Variants in FBXW11 observed in about 807,000 individuals in gnomAD.
The protein encoded by FBXW11 is F-box/WD repeat-containing protein 11.
A neutral mutation model predicts 77.6 loss-of-function variants in FBXW11; 19 were observed. That is an observed-to-expected ratio of 0.24 (90% CI 0.17 to 0.36). The LOEUF is 0.36. Ranked by LOEUF, FBXW11 falls within the 10% of genes least tolerant of loss-of-function variation. FBXW11 has a pLI of 1.00. For missense variants in FBXW11, 334 were observed against 704.2 expected, an observed-to-expected ratio of 0.47 and a Z score of 5.95; for synonymous variants, 235 against 249.4, an observed-to-expected ratio of 0.94 and a Z score of 0.54.
Position 171,896,386 on chromosome 5 carries a change from C to A in FBXW11, c.714+2618G>T, listed in dbSNP as rs1247783186. ...GTGTCATTTATCTTTCTGCAATGTG[C>A]TTAAAACCCTACTACTTTCCCATAA... is the stretch of plus-strand genomic sequence containing the variant. On this transcript the variant is annotated intron_variant, in intron 6 of 13. Transcript: ENST00000517395. 2.0e-5 allele frequency among the ~76,000 whole-genome samples: 3 copies of A among 152,176 alleles called. No homozygotes were observed. The East Asian group carries it at 5.8e-4, about 29-fold the overall frequency.
At chr5:171,997,081 C>T in intron 1 of FBXW11, 1 of 1,289,198 alleles carries the variant, frequency 7.8e-7, no homozygotes, top group African/African-American at 1.5e-5. Flanking sequence ...AATCCATACA[C>T]CCACCATGGC....
chr5:171,877,383 T>C (rs1197514632), intron 8 of FBXW11, among the ~76,000 whole-genome samples: 1 of 152,184 alleles, frequency 6.6e-6, no homozygotes, highest in Non-Finnish European at 1.5e-5. Context: ...GGGTAAGTCA[T>C]GATGCCTCAT....
rs553740927 is a variant in FBXW11, at chr5:171,948,710, T to C, written c.147+8887A>G. Among the ~76,000 whole-genome samples the C allele has an allele frequency of 7.9e-4, 120 of 152,348 alleles. 1 individual carries two copies. Among genetic ancestry groups the C allele is most frequent in the Middle Eastern group, 3.4e-3 (1 of 294 alleles). ...CAAGCAACATAATAAATGTCTATAG[T>C]ATCAGGTACATGACATTTTTGTTCA... On this transcript the variant is annotated intron_variant, in intron 2 of 13. Coordinates refer to ENST00000517395, the MANE Select transcript of FBXW11 (RefSeq NM_001378974.1).
intron 7 of FBXW11, among the ~76,000 whole-genome samples, chr5:171,879,021 T>C (rs1758328632): frequency 6.6e-6 from 1 of 152,150 alleles, no homozygotes; most frequent in Non-Finnish European, 1.5e-5. Context: ...ATTTTAAAAA[T>C]CAGAACAAAA....
chr5:171,996,477 G>A (rs1766056170), intron 1 of FBXW11, among the ~76,000 whole-genome samples: 1 of 152,114 alleles, frequency 6.6e-6, no homozygotes, highest in Admixed American at 6.5e-5. Context: ...GACCAGTCTG[G>A]GCAACATGGT....
At chr5:171,897,898 T>C (rs1221494253) in intron 6 of FBXW11, among the ~76,000 whole-genome samples, 2 of 152,134 alleles carry the variant, frequency 1.3e-5, no homozygotes, top group Non-Finnish European at 1.5e-5. Context: ...GTTAACACCA[T>C]GTCTCAGCCA....
chr5:171,909,879 GCCCTAAAC>G (rs1245887935), intron 4 of FBXW11, among the ~76,000 whole-genome samples: 1 of 152,050 alleles, frequency 6.6e-6, no homozygotes, highest in African/African-American at 2.4e-5. Context: ...ACAAATGAAT[GCCCTAAAC>G]TTTTGGGACA....
chr5:171,876,543 G>A lies in FBXW11; in HGVS notation c.972-9C>T, dbSNP rs1043193213. The stretch of plus-strand genomic sequence containing the variant: ...TGTTCACATCCCACACTCTAGGAGA[G>A]AAGAGAAAAGCATGATGCTTAATTA... On this transcript the variant is annotated splice_polypyrimidine_tract_variant and intron_variant, in intron 8 of 13. Transcript: ENST00000517395. This position sits in a 1 kb window ranked among gnomAD's most constrained non-coding sequence, Gnocchi z 4.2. 5 of 1,610,344 alleles carry A rather than the reference G, an allele frequency of 3.1e-6. No individual in the cohort carries two copies. The highest frequency in any genetic ancestry group is 2.7e-5 in the African/African-American group (2 of 74,838).
At chr5:171,867,470 A>G (rs17074099) in intron 13 of FBXW11, among the ~76,000 whole-genome samples, 3,211 of 151,718 alleles carry the variant, frequency 0.021, 118 homozygotes, top group African/African-American at 0.073. Context: ...AAAAAAACTT[A>G]ATGGATAAGC....
In FBXW11 at chr5:171,891,591, T is replaced by C. The variant is rs1285032916; in HGVS notation, c.728A>G (p.Asn243Ser). 6.2e-7 allele frequency: 1 copy of C among 1,611,116 alleles called. No homozygotes were observed. Residue 243 changes from asparagine (N) to serine (S), a missense_variant, in exon 7 of 14, where the codon AAC becomes AGC. By Grantham distance (46) the Asn-to-Ser change is conservative (BLOSUM62 1). Around this residue, in one of 10 missense-constraint regions of FBXW11, gnomAD observed 70 missense variants for 136.6 expected, o/e 0.51. Transcript: ENST00000517395. ...CAAGTTGTGTCGTCCACACCGCCAGTTAGATTCTATAGTCTAGGGAAAAAA... is the reference window on the plus strand; with the variant it reads ...CAAGTTGTGTCGTCCACACCGCCAGCTAGATTCTATAGTCTAGGGAAAAAA... ...IIQDIETIES[N>S]WRCGRHNLQR...
At chr5:171,997,959 CA>C in intron 1 of FBXW11, among the ~76,000 whole-genome samples, 1 of 152,206 alleles carries the variant, frequency 6.6e-6, no homozygotes, top group African/African-American at 2.4e-5. Context: ...ACTAACTGGC[CA>C]AGCCCTTTAC....
At position 171,872,960 on chromosome 5, in the gene FBXW11, G is replaced by A; in HGVS notation, c.1252C>T (p.Arg418Cys). Reference protein sequence around the residue: ...VWSTSTCEFVRTLNGHKRGIA... With the variant: ...VWSTSTCEFVCTLNGHKRGIA... ...CCCCGCTTGTGCCCATTGAGAGTAC[G>A]AACAAATTCACAGGTGCTCGTGCTC... The change falls in exon 10 of 14, where the codon CGT becomes TGT. Residue 418 changes from arginine to cysteine, a missense_variant. By Grantham distance (180) the Arg-to-Cys change is radical (BLOSUM62 -3). Around this residue, in one of 10 missense-constraint regions of FBXW11, gnomAD observed 50 missense variants for 119.6 expected, o/e 0.42. Transcript: ENST00000517395. 1.2e-6 allele frequency: 2 copies of A among 1,613,918 alleles called. No individual in the cohort carries two copies. Among genetic ancestry groups the A allele is most frequent in the Non-Finnish European group, 1.7e-6 (2 of 1,179,942 alleles).
intron 4 of FBXW11, among the ~76,000 whole-genome samples, chr5:171,906,490 C>G (rs375803234): frequency 6.6e-5 from 10 of 152,266 alleles, no homozygotes; most frequent in African/African-American, 1.9e-4. Context: ...TGAATCAATT[C>G]GGGAATCAGT....
intron 1 of FBXW11, among the ~76,000 whole-genome samples, chr5:171,992,341 C>T (rs1267562709): frequency 1.3e-5 from 2 of 151,714 alleles, no homozygotes; most frequent in Non-Finnish European, 2.9e-5. Context: ...GTGGGAGAAT[C>T]GCTTGAACCC....
chr5:171,971,253 T>A (rs1306920472), intron 1 of FBXW11, among the ~76,000 whole-genome samples: 1 of 152,190 alleles, frequency 6.6e-6, no homozygotes, highest in African/African-American at 2.4e-5. Flanking sequence ...GGTTTACAGA[T>A]GCTTTTTGCA....
intron 1 of FBXW11, among the ~76,000 whole-genome samples, chr5:171,992,798 T>C (rs918872220): frequency 6.6e-6 from 1 of 152,072 alleles, no homozygotes; most frequent in Non-Finnish European, 1.5e-5. Context: ...CCAATATTCC[T>C]ACTAGATACT....
intron 1 of FBXW11, among the ~76,000 whole-genome samples, chr5:171,978,813 T>C (rs1764987393): frequency 6.6e-6 from 1 of 152,224 alleles, no homozygotes; most frequent in Non-Finnish European, 1.5e-5. Flanking sequence ...AGAGCAGAAC[T>C]ACAGCTAATT....
chr5:171,904,587 T>G lies in FBXW11; in HGVS notation c.437-4487A>C, dbSNP rs1453042154. Among the ~76,000 whole-genome samples the G allele has an allele frequency of 6.6e-6, 1 of 152,040 alleles. No individual in the cohort carries two copies. The highest frequency in any genetic ancestry group is 1.9e-4 in the East Asian group (1 of 5,200). ...TGGTTTTTTTGTTGTTGTTGTTGTT[T>G]TTGGAAACAGATTCTCACTCTGTCG... On this transcript the variant is annotated intron_variant, in intron 4 of 13. Transcript: ENST00000517395. This position sits in a 1 kb window ranked among gnomAD's most constrained non-coding sequence, Gnocchi z 4.0.
chr5:171,886,243 T>TA (rs1302977030), intron 7 of FBXW11, among the ~76,000 whole-genome samples: 1 of 152,056 alleles, frequency 6.6e-6, no homozygotes, highest in Non-Finnish European at 1.5e-5. Flanking sequence ...TATGCAGCCA[T>TA]AAAAAATGAT....
Sources: gnomAD v4.1 joint callset for allele counts (sites outside exome capture counted in the v4.1 genomes callset) on GRCh38, gnomAD v4.1.1 for gene constraint, gnomAD v4.1.1 regional missense constraint, Gnocchi (gnomAD v3.1) non-coding constraint, MANE v1.5 for transcripts, NCBI Gene and HGNC (gene_info 2026-07-23, HGNC 2026-07-21) for gene names.